RSF1: variants seen among roughly 807,000 people sequenced by gnomAD.
RSF1 encodes remodeling and spacing factor 1, also known as HBV pX-associated protein 8.
A neutral mutation model predicts 145.2 loss-of-function variants in RSF1; 13 were observed. That is an observed-to-expected ratio of 0.09 (90% CI 0.06 to 0.14). RSF1 has a LOEUF of 0.14. Ranked by LOEUF, RSF1 falls within the 10% of genes least tolerant of loss-of-function variation. The pLI, the probability that RSF1 is intolerant of heterozygous loss-of-function variation, is 1.00. For missense variants in RSF1, 1,517 were observed against 1,718.2 expected (o/e 0.88, Z 2.07); for synonymous variants, 577 against 592.6 (o/e 0.97, Z 0.38).
rs1352292888 is a variant in RSF1, at chr11:77,740,815, T to C, written c.494A>G (p.Tyr165Cys). ...GRDKDGLMYW[Y>C]QLDQDHNVRM... ...GACATTGTGATCTTGATCCAATTGG[T>C]ACCAGTACATGAGGCCATCTTTGTC... The change falls in exon 4 of 16, where the codon TAC becomes TGC. Residue 165 changes from tyrosine to cysteine, a missense_variant. By Grantham distance (194) the Tyr-to-Cys change is radical (BLOSUM62 -2). Around this residue, in one of 12 missense-constraint regions of RSF1, gnomAD observed 94 missense variants for 143.6 expected, o/e 0.65. Transcript: ENST00000308488. 1 of 1,614,084 alleles carries C rather than the reference T, an allele frequency of 6.2e-7. No homozygotes were observed. The highest frequency in any genetic ancestry group is 8.5e-7 in the Non-Finnish European group (1 of 1,179,912).
At chr11:77,849,024 C>A in the RSF1 span, among the ~76,000 whole-genome samples, 1 of 150,754 alleles carries the variant, frequency 6.6e-6, no homozygotes, top group East Asian at 2.0e-4. Context: ...AACTCCTGGC[C>A]TAAAGTGGTG....
rs1455039606 is a variant in RSF1, at chr11:77,717,172, A to C, written c.733+8373T>G. Among the ~76,000 whole-genome samples the C allele has an allele frequency of 1.0e-4, 8 of 77,814 alleles. No individual in the cohort carries two copies. The South Asian group carries it at 2.1e-3, about 20-fold the overall frequency. The allele number at this position is 77,814 out of a possible 152,430, so 51.0% of individuals were successfully genotyped here. A position where few individuals can be genotyped will look rare whatever the true frequency, so the allele number is the denominator to read the frequency against. ...CAGCATGGGCAAAAAAAAAACAAAA[A>C]CCAAAAACCAAAAAAAAAAAAAAAC... On this transcript the variant is annotated intron_variant, in intron 5 of 15. Coordinates refer to ENST00000308488, the MANE Select transcript of RSF1 (RefSeq NM_016578.4).
chr11:77,870,441 A>G, the RSF1 span, among the ~76,000 whole-genome samples: 1 of 136,880 alleles, frequency 7.3e-6, no homozygotes, highest in African/African-American at 2.8e-5. Context: ...GGTTCATGCC[A>G]TTCTCCTGTC....
chr11:77,711,982 T>C (rs1175645153), intron 5 of RSF1, among the ~76,000 whole-genome samples: 1 of 148,434 alleles, frequency 6.7e-6, no homozygotes, highest in Admixed American at 6.8e-5. Context: ...TTTGGGCTTG[T>C]TTGGTGTTTT....
the RSF1 span, among the ~76,000 whole-genome samples, chr11:77,857,828 C>T: frequency 6.6e-6 from 1 of 151,824 alleles, no homozygotes; most frequent in Admixed American, 6.6e-5. Flanking sequence ...TCCCAAGTAG[C>T]TGGGACGACA....
chr11:77,807,212 GA>G (rs938026276), intron 1 of RSF1, among the ~76,000 whole-genome samples: 4 of 152,118 alleles, frequency 2.6e-5, no homozygotes, highest in African/African-American at 4.8e-5. Context: ...CACATTATCA[GA>G]AACTTCTGTC....
intron 1 of RSF1, among the ~76,000 whole-genome samples, chr11:77,788,816 G>A (rs1415540590): frequency 6.6e-6 from 1 of 152,080 alleles, no homozygotes; most frequent in East Asian, 1.9e-4. Flanking sequence ...GCTAACTAGA[G>A]GCCTCCTCTA....
chr11:77,793,686 G>A (rs966518450), intron 1 of RSF1, among the ~76,000 whole-genome samples: 4 of 152,090 alleles, frequency 2.6e-5, no homozygotes, highest in Non-Finnish European at 5.9e-5. Flanking sequence ...TCCACTGATC[G>A]CCAGGATTGA....
At chr11:77,744,476 A>G (rs1947978176) in intron 3 of RSF1, among the ~76,000 whole-genome samples, 1 of 151,686 alleles carries the variant, frequency 6.6e-6, no homozygotes, top group Non-Finnish European at 1.5e-5. Flanking sequence ...CTAGCTTTTT[A>G]AAATATTTTA....
At chr11:77,746,970 A>G (rs1948008874) in intron 3 of RSF1, 66 bp downstream of exon 3, 2 of 987,720 alleles carry the variant, frequency 2.0e-6, no homozygotes, top group East Asian at 2.7e-5. Flanking sequence ...TTATTTTCCA[A>G]TTTAACCAGG....
chr11:77,849,200 C>A, the RSF1 span, among the ~76,000 whole-genome samples: 1 of 151,806 alleles, frequency 6.6e-6, no homozygotes, highest in Non-Finnish European at 1.5e-5. Flanking sequence ...CCATACCTGG[C>A]TAATTTTTTA....
intron 4 of RSF1, among the ~76,000 whole-genome samples, chr11:77,737,829 G>A (rs1230365492): frequency 6.6e-6 from 1 of 151,974 alleles, no homozygotes; most frequent in Non-Finnish European, 1.5e-5. Flanking sequence ...TAGAAAGGTT[G>A]TAAGAAAAGC....
At position 77,698,681 on chromosome 11, in the gene RSF1, C is replaced by T. The variant is rs774884473; in HGVS notation, c.2521G>A (p.Gly841Ser). The T allele has an allele frequency of 6.2e-7, 1 of 1,613,936 alleles. No individual in the cohort carries two copies. Among genetic ancestry groups the T allele is most frequent in the South Asian group, 1.1e-5 (1 of 91,070 alleles). ...CGAGAACCAGTCCATCGAACTTTGC[C>T]TTTGGGTTTTACCTTGTATAAAATA... ...NSKVSKVKPK[G>S]KVRWTGSRTR... Residue 841 changes from glycine (G) to serine (S), a missense_variant, in exon 7 of 16, where the codon GGC becomes AGC. Transcript: ENST00000308488.
chr11:77,700,111 G>C (rs1189708119), intron 6 of RSF1, among the ~76,000 whole-genome samples: 1 of 152,088 alleles, frequency 6.6e-6, no homozygotes, highest in African/African-American at 2.4e-5. Context: ...CCAGCACTTT[G>C]GGAGGCCGAG....
chr11:77,736,582 CAAT>C (rs1472016031), intron 4 of RSF1, among the ~76,000 whole-genome samples: 6 of 152,172 alleles, frequency 3.9e-5, no homozygotes, highest in Admixed American at 1.3e-4. Flanking sequence ...ACCTTTGCAA[CAAT>C]GAGAGACCTA....
At chr11:77,857,430 C>G in the RSF1 span, among the ~76,000 whole-genome samples, 2 of 152,114 alleles carry the variant, frequency 1.3e-5, no homozygotes, top group Non-Finnish European at 2.9e-5. Flanking sequence ...CAATTTGTCA[C>G]TATCTATAAA....
At chr11:77,667,866 G>C (rs915377174) in intron 15 of RSF1, among the ~76,000 whole-genome samples, 5 of 151,594 alleles carry the variant, frequency 3.3e-5, no homozygotes, top group African/African-American at 1.2e-4. Flanking sequence ...ACCACGCCTG[G>C]CTAACTTTTT....
the RSF1 span, among the ~76,000 whole-genome samples, chr11:77,835,633 T>C: frequency 3.3e-5 from 5 of 152,184 alleles, no homozygotes; most frequent in African/African-American, 1.2e-4. Context: ...GAGTCTAAAG[T>C]TGGGGCCAGG....
intron 1 of RSF1, among the ~76,000 whole-genome samples, chr11:77,775,502 C>T (rs914382685): frequency 6.6e-6 from 1 of 152,156 alleles, no homozygotes; most frequent in Non-Finnish European, 1.5e-5. Context: ...AGAATGCTCC[C>T]ATGGACATCT....
Sources: gnomAD v4.1 joint callset for allele counts (sites outside exome capture counted in the v4.1 genomes callset) on GRCh38, gnomAD v4.1.1 for gene constraint, gnomAD v4.1.1 regional missense constraint, MANE v1.5 for transcripts, NCBI Gene and HGNC (gene_info 2026-07-23, HGNC 2026-07-21) for gene names.